MED12L: variants seen among roughly 807,000 people sequenced by gnomAD.
MED12L encodes the protein mediator of RNA polymerase II transcription subunit 12-like protein.
Under a neutral mutation model 281.3 loss-of-function variants are expected in MED12L, and 60 were observed. The ratio of observed to expected loss-of-function variants is 0.21; its 90% CI spans 0.17 to 0.26. The LOEUF (loss-of-function observed/expected upper bound fraction) is 0.26, where lower values mean the gene tolerates loss of function less well. MED12L is among the 10% of genes least tolerant of loss of function. The pLI is 1.00. For missense variants in MED12L, 2,146 were observed against 2,680.9 expected (o/e 0.80, Z 4.41); for synonymous variants, 974 against 987.2 (o/e 0.99, Z 0.25).
chr3:151,235,835 T>A (rs1043544400), intron 16 of MED12L, among the ~76,000 whole-genome samples: 2 of 152,152 alleles, frequency 1.3e-5, no homozygotes, highest in Admixed American at 6.5e-5. Context: ...AAATGTCACC[T>A]TCTCAGCAAG....
intron 11 of MED12L, 119 bp downstream of exon 11, chr3:151,166,101 T>TAC: frequency 1.3e-6 from 1 of 768,856 alleles, no homozygotes; most frequent in Non-Finnish European, 2.0e-6. Flanking sequence ...TATGAAGACA[T>TAC]ACACACTTGA....
intron 16 of MED12L, among the ~76,000 whole-genome samples, chr3:151,206,640 A>ATTTTTTTTTTT (rs1216609130): frequency 1.9e-4 from 3 of 16,010 alleles, no homozygotes; most frequent in African/African-American, 2.6e-4. Context: ...CTAACACATT[A>ATTTTTTTTTTT]TCTTTTTTTT....
chr3:151,305,913 A>G (rs537528200), intron 16 of MED12L, among the ~76,000 whole-genome samples: 1 of 152,260 alleles, frequency 6.6e-6, no homozygotes, highest in East Asian at 1.9e-4. Flanking sequence ...TTGAAAGATG[A>G]GAAGATTTGC....
rs569142320 is a variant in MED12L, at chr3:151,347,714, T to G, written c.2251-2345T>G. ...GATGTGCAGAGGAGGAGGGGAAGTCTAGCATGTGAATTAACAGTAGTGAAC... is the reference window on the plus strand; with the variant it reads ...GATGTGCAGAGGAGGAGGGGAAGTCGAGCATGTGAATTAACAGTAGTGAAC... On this transcript the variant is annotated intron_variant, in intron 16 of 44. Transcript: ENST00000687756. Among the ~76,000 whole-genome samples the G allele has an allele frequency of 2.2e-4, 34 of 152,272 alleles. No individual in the cohort carries two copies. In the South Asian group the frequency reaches 6.8e-3, roughly 31 times the overall value.
chr3:151,344,442 T>C (rs905872561), intron 16 of MED12L, among the ~76,000 whole-genome samples: 1 of 152,120 alleles, frequency 6.6e-6, no homozygotes, highest in East Asian at 1.9e-4. Context: ...CAAAATAGCA[T>C]GGTATATTGA....
chr3:151,367,865 G>C, intron 24 of MED12L, 99 bp downstream of exon 24: 1 of 1,367,002 alleles, frequency 7.3e-7, no homozygotes, highest in Non-Finnish European at 1.0e-6. Context: ...TTGAGGGTAT[G>C]TATATTGGGA....
chr3:151,362,695 T>C (rs1298719266), intron 21 of MED12L, among the ~76,000 whole-genome samples: 3 of 152,132 alleles, frequency 2.0e-5, no homozygotes, highest in African/African-American at 7.2e-5. Flanking sequence ...TTGAAGAGTA[T>C]GTGGCTCTTA....
intron 16 of MED12L, among the ~76,000 whole-genome samples, chr3:151,334,152 T>A (rs1252754332): frequency 6.6e-6 from 1 of 151,448 alleles, no homozygotes; most frequent in Non-Finnish European, 1.5e-5. Context: ...AATATAAATT[T>A]ATTTCCTTAT....
chr3:151,232,170 C>G (rs1332695882), intron 16 of MED12L, among the ~76,000 whole-genome samples: 1 of 152,056 alleles, frequency 6.6e-6, no homozygotes, highest in Non-Finnish European at 1.5e-5. Flanking sequence ...GTTTCTTGTT[C>G]TATTCTTGGC....
rs190679350 is a variant in MED12L, at chr3:151,381,834, G to C, written c.4591-822G>C. 1.2e-3 allele frequency among the ~76,000 whole-genome samples: 178 copies of C among 152,324 alleles called. 1 individual carries two copies. Among genetic ancestry groups the C allele is most frequent in the Admixed American group, 9.5e-3 (146 of 15,292 alleles). ...TTTCTTCTGATGAGATTTGGGAAGT[G>C]CTTTCCTCTCACCTTGCAGGGTACT... On this transcript the variant is annotated intron_variant, in intron 32 of 44. Coordinates refer to ENST00000687756, the MANE Select transcript of MED12L (RefSeq NM_001393769.1).
chr3:151,185,607 C>A (rs1160193968), intron 12 of MED12L, 146 bp downstream of exon 12: 2 of 802,940 alleles, frequency 2.5e-6, no homozygotes, highest in Non-Finnish European at 3.8e-6. Flanking sequence ...AAGGAAGATT[C>A]TTATAGTAGA....
rs1326163440 is a variant in MED12L, at chr3:151,163,418, C to T, written c.1108-475C>T. Among the ~76,000 whole-genome samples the T allele has an allele frequency of 3.9e-5, 6 of 152,350 alleles. No individual in the cohort carries two copies. In the South Asian group the frequency reaches 1.2e-3, roughly 32 times the overall value. On this transcript the variant is annotated intron_variant, in intron 8 of 44. Transcript: ENST00000687756. ...CAGGCTTCTTATAGAAAAAGTTTGA[C>T]AACCCCTTGTCCAGGGTTACTGCCT...
At chr3:151,305,192 A>G (rs558727012) in intron 16 of MED12L, among the ~76,000 whole-genome samples, 7 of 152,298 alleles carry the variant, frequency 4.6e-5, no homozygotes, top group African/African-American at 1.7e-4. Flanking sequence ...CTTCAGTGGT[A>G]GTAAAGGGCT....
intron 32 of MED12L, among the ~76,000 whole-genome samples, chr3:151,381,035 A>G (rs1712236939): frequency 6.6e-6 from 1 of 152,244 alleles, no homozygotes; most frequent in Non-Finnish European, 1.5e-5. Flanking sequence ...CACCAAACAC[A>G]GTTCTCCTGG....
intron 43 of MED12L, among the ~76,000 whole-genome samples, chr3:151,428,958 C>A (rs1036015428): frequency 1.3e-5 from 2 of 152,188 alleles, no homozygotes; most frequent in Non-Finnish European, 2.9e-5. Context: ...TACTTACAAT[C>A]CTGGGCTATT....
intron 39 of MED12L, among the ~76,000 whole-genome samples, chr3:151,395,404 A>G (rs1714832141): frequency 1.3e-5 from 2 of 152,212 alleles, no homozygotes; most frequent in Non-Finnish European, 2.9e-5. Context: ...GATACATTCA[A>G]TTTAATTCTT....
intron 16 of MED12L, chr3:151,328,557 T>A: frequency 6.2e-7 from 1 of 1,613,786 alleles, no homozygotes; most frequent in Non-Finnish European, 8.5e-7. Flanking sequence ...AAGAACCAGA[T>A]GAAGATTGAG....
In MED12L at chr3:151,434,505, G is replaced by GTCTA. The variant is rs372638487; in HGVS notation, c.*1705_*1708dup. On this transcript the variant is annotated 3_prime_UTR_variant, in exon 45 of 45. Transcript: ENST00000687756. The stretch of plus-strand genomic sequence containing the variant: ...AACTATTCTTTTCACTAAATTAATA[G>GTCTA]TCTATCTGCTTTCAGAAGATGTATC... 8 of 113,370 alleles carry GTCTA rather than the reference G, an allele frequency of 7.1e-5. No homozygotes were observed. Among genetic ancestry groups the GTCTA allele is most frequent in the East Asian group, 2.7e-4 (1 of 3,746 alleles). 7.0% of individuals were successfully genotyped at this position (113,370 alleles called of 1,614,324 possible). A position where few individuals can be genotyped will look rare whatever the true frequency, so the allele number is the denominator to read the frequency against.
rs1716903621 is a variant in MED12L at position 151,141,178 on chromosome 3, G to GTTTTGTTTTTT, written c.556+13198_556+13199insGTTTTTTTTTT. 5.1e-4 allele frequency among the ~76,000 whole-genome samples: 52 copies of GTTTTGTTTTTT among 102,208 alleles called. 1 individual carries two copies. The highest frequency in any genetic ancestry group is 2.2e-3 in the African/African-American group (52 of 23,386). 67.1% of individuals were successfully genotyped at this position (102,208 alleles called of 152,430 possible). A position where few individuals can be genotyped will look rare whatever the true frequency, so the allele number is the denominator to read the frequency against. On this transcript the variant is annotated intron_variant, in intron 5 of 44. Transcript: ENST00000687756. The stretch of plus-strand genomic sequence containing the variant: ...CACCGTGCCTGGCGTTTTTTTTTTT[G>GTTTTGTTTTTT]TTTTTTTTGTTTTTTTTTTTTTGTT...
Sources: allele counts gnomAD v4.1 joint callset (sites outside exome capture counted in the v4.1 genomes callset), GRCh38; gene constraint gnomAD v4.1.1; transcripts MANE v1.5; gene names NCBI Gene and HGNC (gene_info 2026-07-23, HGNC 2026-07-21).